The following FOXP2 variants were observed in gnomAD, a reference collection of about 807,000 sequenced individuals.
FOXP2 encodes the protein forkhead box protein P2.
Under a neutral mutation model 115.8 loss-of-function variants are expected in FOXP2, and 12 were observed. The observed-to-expected ratio is 0.10, with a 90% CI of 0.07 to 0.17. The LOEUF is 0.17. FOXP2 is among the 10% of genes least tolerant of loss of function. The pLI, the probability that FOXP2 is intolerant of heterozygous loss-of-function variation, is 1.00. For synonymous variants in FOXP2, 328 were observed against 297.7 expected (o/e 1.10, Z -1.05); for missense variants, 629 against 843.5 (o/e 0.75, Z 3.15).
chr7:114,108,179 TTTG>T (rs1202143193), intron 1 of FOXP2, among the ~76,000 whole-genome samples: 2 of 151,918 alleles, frequency 1.3e-5, no homozygotes, highest in Admixed American at 6.6e-5. Flanking sequence ...TAATGTGTAT[TTTG>T]AGGACACATC....
At chr7:114,514,696 T>C (rs1287686433) in intron 2 of FOXP2, among the ~76,000 whole-genome samples, 1 of 151,416 alleles carries the variant, frequency 6.6e-6, no homozygotes, top group East Asian at 1.9e-4. Context: ...TTTATTTATT[T>C]ATTTATTTTT....
rs562945000 is a variant in FOXP2 at position 114,483,300 on chromosome 7, C to A, written c.169-51317C>A. On this transcript the variant is annotated intron_variant, in intron 2 of 16. Coordinates refer to ENST00000350908, the MANE Select transcript of FOXP2 (RefSeq NM_014491.4). ...AGATCTGGATTATTGCATGGTTGGT[C>A]TCCATGCTTCCAAGGTTTTTCCTTC... Among the ~76,000 whole-genome samples the A allele has an allele frequency of 4.0e-5, 6 of 151,682 alleles. No individual in the cohort carries two copies. In the South Asian group the frequency reaches 1.2e-3, roughly 31 times the overall value.
chr7:114,284,154 G>C (rs886568890), intron 1 of FOXP2, among the ~76,000 whole-genome samples: 2 of 152,024 alleles, frequency 1.3e-5, no homozygotes, highest in Non-Finnish European at 2.9e-5. Context: ...GAAGAAATTA[G>C]AAAAGGGAAT....
At chr7:114,426,867 G>A (rs1562919743) in intron 2 of FOXP2, among the ~76,000 whole-genome samples, 188 bp downstream of exon 2, 1 of 151,714 alleles carries the variant, frequency 6.6e-6, no homozygotes, top group East Asian at 1.9e-4. Context: ...CGTCATACCA[G>A]TACCAGAGTA....
chr7:114,227,475 T>G (rs1386139253), intron 1 of FOXP2, among the ~76,000 whole-genome samples: 1 of 152,098 alleles, frequency 6.6e-6, no homozygotes, highest in African/African-American at 2.4e-5. Context: ...TAATAAACAC[T>G]TAAAAATATA....
chr7:114,170,684 G>A (rs1245035190), intron 1 of FOXP2, among the ~76,000 whole-genome samples: 4 of 152,184 alleles, frequency 2.6e-5, no homozygotes, highest in Non-Finnish European at 4.4e-5. Context: ...ATTCCCCTAA[G>A]CCAAAGCCTA....
At chr7:114,678,756 T>G (rs1398140381) in intron 16 of FOXP2, among the ~76,000 whole-genome samples, 1 of 151,938 alleles carries the variant, frequency 6.6e-6, no homozygotes, top group Non-Finnish European at 1.5e-5. Flanking sequence ...GAGAAGACTG[T>G]GGGGGAATTT....
At chr7:114,194,300 G>A (rs1057357642) in intron 1 of FOXP2, among the ~76,000 whole-genome samples, 3 of 151,388 alleles carry the variant, frequency 2.0e-5, no homozygotes, top group Non-Finnish European at 4.4e-5. Context: ...CTGCTGCATT[G>A]CTTTTTGCCT....
At chr7:114,246,731 G>A (rs894401565) in intron 1 of FOXP2, among the ~76,000 whole-genome samples, 5 of 152,028 alleles carry the variant, frequency 3.3e-5, no homozygotes, top group Non-Finnish European at 7.4e-5. Context: ...TCAAATCCTC[G>A]TCTTACTCCT....
intron 3 of FOXP2, among the ~76,000 whole-genome samples, chr7:114,542,110 A>G (rs2129281911): frequency 6.6e-6 from 1 of 151,984 alleles, no homozygotes; most frequent in East Asian, 1.9e-4. Context: ...CACCTTCCAC[A>G]TTTCTATTGG....
At chr7:114,535,781 T>C (rs1799360338) in intron 3 of FOXP2, among the ~76,000 whole-genome samples, 1 of 151,426 alleles carries the variant, frequency 6.6e-6, no homozygotes, top group Non-Finnish European at 1.5e-5. Context: ...CTGTGGAGGG[T>C]GGATGAGAAG....
At position 114,658,086 on chromosome 7, in the gene FOXP2, C is replaced by T. The variant is rs1389240980; in HGVS notation, c.1287C>T (p.Val429=). 4 of 1,613,808 alleles carry T rather than the reference C, an allele frequency of 2.5e-6. 1 individual carries two copies. In the South Asian group the frequency reaches 3.3e-5, roughly 13 times the overall value. ...TGCAGCTAAATCTGGTGTCTAGTGT[C>T]ACCATGTCGAAGAATATGTTGGAGA... ...SPKPLNLVSS[V]TMSKNMLETS... is the part of the protein sequence containing the mutation. Residue 429 remains valine, a synonymous_variant, in exon 11 of 17, where the codon GTC becomes GTT. Transcript: ENST00000350908.
At chr7:114,647,340 T>C (rs1262864036) in intron 8 of FOXP2, among the ~76,000 whole-genome samples, 1 of 151,486 alleles carries the variant, frequency 6.6e-6, no homozygotes, top group Admixed American at 6.6e-5. Context: ...CAGTTGCTTA[T>C]GTATAACACA....
intron 1 of FOXP2, among the ~76,000 whole-genome samples, chr7:114,120,695 T>C (rs536977830): frequency 7.3e-4 from 107 of 145,976 alleles, no homozygotes; most frequent in Non-Finnish European, 1.2e-3. Context: ...TGTGTGTATA[T>C]GTATGTGTGT....
At chr7:114,287,860 TGTG>T (rs1339660190) in intron 1 of FOXP2, among the ~76,000 whole-genome samples, 2 of 151,982 alleles carry the variant, frequency 1.3e-5, no homozygotes, top group Non-Finnish European at 2.9e-5. Flanking sequence ...AGCATTTTTA[TGTG>T]TATTTGAATA....
At chr7:114,556,805 A>G (rs1027872332) in intron 3 of FOXP2, among the ~76,000 whole-genome samples, 18 of 152,200 alleles carry the variant, frequency 1.2e-4, no homozygotes, top group African/African-American at 4.3e-4. Context: ...AATTATTTTG[A>G]ATAGTTTTTT....
chr7:114,589,890 G>C (rs1044594500), intron 3 of FOXP2, among the ~76,000 whole-genome samples: 38 of 151,894 alleles, frequency 2.5e-4, no homozygotes, highest in African/African-American at 9.0e-4. Context: ...TCCTCTGCTG[G>C]TGCCTTTTCT....
chr7:114,524,183 T>G (rs1042975406), intron 2 of FOXP2, among the ~76,000 whole-genome samples: 4 of 152,156 alleles, frequency 2.6e-5, no homozygotes, highest in Non-Finnish European at 5.9e-5. Flanking sequence ...ATCTTTAATA[T>G]TGGCCTTTTT....
At chr7:114,530,286 A>G (rs771674805) in intron 2 of FOXP2, among the ~76,000 whole-genome samples, 2 of 151,928 alleles carry the variant, frequency 1.3e-5, no homozygotes, top group Non-Finnish European at 2.9e-5. Context: ...AGAGATGAAT[A>G]TCAACATCAA....
Sources: gnomAD v4.1 joint callset for allele counts (sites outside exome capture counted in the v4.1 genomes callset) on GRCh38, gnomAD v4.1.1 for gene constraint, MANE v1.5 for transcripts, NCBI Gene and HGNC (gene_info 2026-07-23, HGNC 2026-07-21) for gene names.